The following ABCA13 variants were observed in gnomAD, a reference collection of about 807,000 sequenced individuals.
ABCA13 encodes the protein ATP binding cassette subfamily A member 13.
A neutral mutation model predicts 478.7 loss-of-function variants in ABCA13; 476 were observed. That is an observed-to-expected ratio of 0.99 (90% confidence interval 0.92 to 1.07). ABCA13 has a LOEUF of 1.07. ABCA13 is among the 50% of genes least tolerant of loss of function. ABCA13 has a pLI of 0.00. For missense variants in ABCA13, 6,060 were observed against 5,910.6 expected, an observed-to-expected ratio of 1.03 and a Z score of -0.83; for synonymous variants, 2,252 against 2,158.9, an observed-to-expected ratio of 1.04 and a Z score of -1.20.
rs775669874 is a variant in ABCA13 at position 48,352,483 on chromosome 7, G to A, written c.10684G>A (p.Asp3562Asn). ...QAAPYPCHTS[D>N]LFLNNVGFFF... ...GGCCCCTTACCCCTGCCATACCAGCGACCTGTGAGTAGCCTGGGGCAGGAG... is the reference window on the plus strand; with the variant it reads ...GGCCCCTTACCCCTGCCATACCAGCAACCTGTGAGTAGCCTGGGGCAGGAG... Residue 3562 changes from aspartate (D) to asparagine (N), a missense_variant, in exon 31 of 62, where the codon GAC becomes AAC. Transcript: ENST00000435803. 1.8e-5 allele frequency: 29 copies of A among 1,600,436 alleles called. No homozygotes were observed. The East Asian group carries it at 4.3e-4, about 24-fold the overall frequency.
chr7:48,323,447 C>A (rs1056491225), intron 27 of ABCA13, among the ~76,000 whole-genome samples: 1 of 152,156 alleles, frequency 6.6e-6, no homozygotes, highest in Admixed American at 6.5e-5. Context: ...CAGAGCCAGG[C>A]CTTAGCTTTG....
At chr7:48,520,618 A>G (rs1832479654) in intron 53 of ABCA13, among the ~76,000 whole-genome samples, 1 of 152,102 alleles carries the variant, frequency 6.6e-6, no homozygotes. Flanking sequence ...TTTGTTACAT[A>G]TGTATACATG....
At chr7:48,555,252 T>G (rs934741285) in intron 55 of ABCA13, among the ~76,000 whole-genome samples, 1 of 151,978 alleles carries the variant, frequency 6.6e-6, no homozygotes, top group Non-Finnish European at 1.5e-5. Flanking sequence ...TTGTTGAGGA[T>G]TTTTGCATCA....
intron 1 of ABCA13, among the ~76,000 whole-genome samples, chr7:48,186,838 T>G (rs1238998275): frequency 6.6e-6 from 1 of 152,030 alleles, no homozygotes; most frequent in African/African-American, 2.4e-5. Context: ...CTAGTCAGCA[T>G]ACTACTGAAA....
intron 55 of ABCA13, among the ~76,000 whole-genome samples, chr7:48,576,694 T>C (rs958203485): frequency 3.3e-5 from 5 of 152,100 alleles, no homozygotes; most frequent in African/African-American, 1.2e-4. Flanking sequence ...AGCCTCAGAC[T>C]CTATTTAAGA....
At chr7:48,289,016 C>T (rs1482102954) in intron 20 of ABCA13, among the ~76,000 whole-genome samples, 1 of 152,188 alleles carries the variant, frequency 6.6e-6, no homozygotes, top group African/African-American at 2.4e-5. Context: ...TCCATATTAT[C>T]TGTGAGTATG....
intron 29 of ABCA13, among the ~76,000 whole-genome samples, chr7:48,343,966 T>C (rs1372695297): frequency 2.0e-5 from 3 of 152,200 alleles, no homozygotes; most frequent in African/African-American, 7.2e-5. Context: ...TTAACTTTAG[T>C]TTATTTTAAA....
At chr7:48,287,892 T>C in intron 19 of ABCA13, 68 bp from the exon 20 acceptor site, 1 of 1,195,740 alleles carries the variant, frequency 8.4e-7, no homozygotes, top group Non-Finnish European at 1.2e-6. Flanking sequence ...AAAAAGTGAT[T>C]TTGTGAGAGT....
intron 21 of ABCA13, among the ~76,000 whole-genome samples, chr7:48,296,523 G>T (rs987772694): frequency 6.6e-6 from 1 of 150,576 alleles, no homozygotes; most frequent in African/African-American, 2.4e-5. Flanking sequence ...GCAGTGGCGC[G>T]ATCTCGGCTC....
intron 38 of ABCA13, among the ~76,000 whole-genome samples, chr7:48,392,947 C>G (rs1320505927): frequency 6.6e-6 from 1 of 152,100 alleles, no homozygotes; most frequent in Non-Finnish European, 1.5e-5. Flanking sequence ...GGGCTGAACC[C>G]TATATGAAAG....
chr7:48,566,793 T>C (rs780251825), intron 55 of ABCA13, among the ~76,000 whole-genome samples: 1 of 152,152 alleles, frequency 6.6e-6, no homozygotes, highest in Non-Finnish European at 1.5e-5. Context: ...ATTTAGCTAT[T>C]CACAGAGCAG....
intron 57 of ABCA13, among the ~76,000 whole-genome samples, chr7:48,594,226 C>G (rs913809580): frequency 1.3e-5 from 2 of 151,892 alleles, no homozygotes; most frequent in African/African-American, 2.4e-5. Flanking sequence ...TGCCATAAAC[C>G]CTGTCAGGCT....
At position 48,345,069 on chromosome 7, in the gene ABCA13, A is replaced by G. The variant is rs989362735; in HGVS notation, c.10205-5574A>G. 2.6e-5 allele frequency among the ~76,000 whole-genome samples: 4 copies of G among 152,294 alleles called. No homozygotes were observed. In the South Asian group the frequency reaches 8.3e-4, roughly 32 times the overall value. On this transcript the variant is annotated intron_variant, in intron 29 of 61. Transcript: ENST00000435803. ...ATGATGTTCCTATAAGGTCATAATG[A>G]GCTGAAAATTCCTACTGCCTAGTGA...
chr7:48,509,703 G>T (rs1336420345), intron 50 of ABCA13, among the ~76,000 whole-genome samples: 1 of 152,116 alleles, frequency 6.6e-6, no homozygotes, highest in Non-Finnish European at 1.5e-5. Flanking sequence ...TTGAGGATCT[G>T]TTGTGGGTCA....
chr7:48,247,768 G>A (rs1178213186), intron 13 of ABCA13, among the ~76,000 whole-genome samples: 1 of 152,076 alleles, frequency 6.6e-6, no homozygotes, highest in Admixed American at 6.6e-5. Context: ...TGGCTATCCA[G>A]GGATCCCACA....
At chr7:48,393,406 C>T (rs1031759765) in intron 38 of ABCA13, among the ~76,000 whole-genome samples, 7 of 152,130 alleles carry the variant, frequency 4.6e-5, no homozygotes, top group Admixed American at 1.3e-4. Context: ...TCAACCATGG[C>T]GTGAGTGTGT....
rs199708693 is a variant in ABCA13, at chr7:48,525,075, TTA to T, written c.14244+639_14244+640del. Among the ~76,000 whole-genome samples, 8 of 152,252 alleles carry T rather than the reference TTA, an allele frequency of 5.3e-5. 1 individual carries two copies. The East Asian group carries it at 5.8e-4, about 11-fold the overall frequency. ...CAGCTCCTGAGAAATTCAAAATAGG[TTA>T]TATTGTTATCTGATTGGTATCTATA... On this transcript the variant is annotated intron_variant, in intron 54 of 61. Coordinates refer to ENST00000435803, the MANE Select transcript of ABCA13 (RefSeq NM_152701.5).
At chr7:48,208,144 G>C (rs1390262887) in intron 3 of ABCA13, among the ~76,000 whole-genome samples, 3 of 151,920 alleles carry the variant, frequency 2.0e-5, no homozygotes, top group African/African-American at 7.3e-5. Flanking sequence ...CTGTTCCATT[G>C]GTCTATGTGT....
At chr7:48,350,275 C>CA in intron 29 of ABCA13, among the ~76,000 whole-genome samples, 1 of 151,834 alleles carries the variant, frequency 6.6e-6, no homozygotes, top group South Asian at 2.1e-4. Flanking sequence ...CAGGTTGGAA[C>CA]TTTTTTTTTC....
Sources: gnomAD v4.1 joint callset for allele counts (sites outside exome capture counted in the v4.1 genomes callset) on GRCh38, gnomAD v4.1.1 for gene constraint, MANE v1.5 for transcripts, NCBI Gene and HGNC (gene_info 2026-07-23, HGNC 2026-07-21) for gene names.